CUBN: variants seen among roughly 807,000 people sequenced by gnomAD.
The protein encoded by CUBN is cubilin.
CUBN carries 282 observed loss-of-function variants against 405.3 expected under a neutral mutation model. The ratio of observed to expected loss-of-function variants is 0.70; its 90% CI spans 0.63 to 0.77. CUBN has a LOEUF of 0.77. Ranked by LOEUF, CUBN falls within the 30% of genes least tolerant of loss-of-function variation. CUBN has a pLI of 0.00. For missense variants in CUBN, 4,514 were observed against 4,475.2 expected (o/e 1.01, Z -0.25); for synonymous variants, 1,684 against 1,617.0 (o/e 1.04, Z -0.99).
Position 17,045,994 on chromosome 10 carries a change from T to G in CUBN, c.3430A>C (p.Lys1144Gln), listed in dbSNP as rs1290156610. The change falls in exon 24 of 67, where the codon AAG (lysine) becomes CAG (glutamine). Residue 1144 changes from lysine to glutamine, a missense_variant. By Grantham distance (53) the Lys-to-Gln change is moderately conservative. Transcript: ENST00000377833. ...GACCTTGTGTCTATTTGGTCACTCT[T>G]AAATTTTAACCATAGTTTGTTACTA... is the stretch of plus-strand genomic sequence containing the variant. ...SHSNKLWLKF[K>Q]SDQIDTRSGF... 6.2e-7 allele frequency: 1 copy of G among 1,614,044 alleles called. No individual in the cohort carries two copies. Among genetic ancestry groups the G allele is most frequent in the Admixed American group, 1.7e-5 (1 of 60,016 alleles).
intron 31 of CUBN, among the ~76,000 whole-genome samples, chr10:16,963,191 T>C (rs977258037): frequency 6.6e-5 from 4 of 60,476 alleles, no homozygotes; most frequent in South Asian, 6.3e-4. Context: ...TCTTTTCTTT[T>C]TTTTCTTTTT....
Position 16,954,406 on chromosome 10 carries a change from C to T in CUBN, c.4838G>A (p.Arg1613Gln), listed in dbSNP as rs147343635. The T allele has an allele frequency of 8.1e-6, 13 of 1,614,104 alleles. No homozygotes were observed. Among genetic ancestry groups the T allele is most frequent in the African/African-American group, 6.7e-5 (5 of 75,012 alleles). Residue 1613 changes from arginine (R) to glutamine (Q), a missense_variant, in exon 32 of 67, where the codon CGA becomes CAA. Physicochemically the swap from Arg to Gln is conservative, Grantham distance 43. Transcript: ENST00000377833. ...SGPSRQNRGF[R>Q]AQFRQACGGH... Reference sequence around the variant, plus strand: ...GTACTTGCCTTGCCTGAATTGAGCTCGGAAGCCTCTGTTCTGTCTGGAAGG... The same window carrying T: ...GTACTTGCCTTGCCTGAATTGAGCTTGGAAGCCTCTGTTCTGTCTGGAAGG...
chr10:17,018,128 G>A (rs956324909), intron 28 of CUBN, among the ~76,000 whole-genome samples: 1 of 152,166 alleles, frequency 6.6e-6, no homozygotes, highest in Middle Eastern at 3.2e-3. Context: ...CCGTTTCCCA[G>A]AAAGCCTGAC....
intron 7 of CUBN, among the ~76,000 whole-genome samples, chr10:17,114,953 T>C (rs943651762): frequency 3.9e-5 from 6 of 152,120 alleles, no homozygotes; most frequent in Admixed American, 6.5e-5. Context: ...ATAAAAATGG[T>C]CCCATTTCGG....
At chr10:17,051,575 T>C (rs1474929307) in intron 22 of CUBN, among the ~76,000 whole-genome samples, 5 of 151,992 alleles carry the variant, frequency 3.3e-5, no homozygotes, top group Non-Finnish European at 7.4e-5. Context: ...TAAACAGATA[T>C]GAAATTTTGG....
chr10:16,954,496 C>G lies in CUBN; in HGVS notation c.4748G>C (p.Arg1583Thr). 6.2e-7 allele frequency: 1 copy of G among 1,614,070 alleles called. No individual in the cohort carries two copies. Among genetic ancestry groups the G allele is most frequent in the Non-Finnish European group, 8.5e-7 (1 of 1,180,034 alleles). ...GACGATGGGGTTAGCCAGCTGCTCC[C>G]TTCCACACGTCCTGGCAAGGCGGGA... ...TMSRLARTCG[R>T]EQLANPIVSS... Residue 1583 changes from arginine to threonine, a missense_variant, in exon 32 of 67, where the codon AGG (arginine) becomes ACG (threonine). Physicochemically the swap from Arg to Thr is moderately conservative, Grantham distance 71 (BLOSUM62 -1). Transcript: ENST00000377833.
rs182966752 is a variant in CUBN, at chr10:17,103,024, T to G, written c.1530+101A>C. The G allele has an allele frequency of 6.3e-5, 50 of 787,828 alleles. No homozygotes were observed. In the East Asian group the frequency reaches 1.2e-3, roughly 19 times the overall value. The allele number at this position is 787,828 out of a possible 1,614,324, so 48.8% of individuals were successfully genotyped here. On this transcript the variant is annotated intron_variant, in intron 13 of 66. Coordinates refer to ENST00000377833, the MANE Select transcript of CUBN (RefSeq NM_001081.4). Reference sequence around the variant, plus strand: ...TAGTAAGCACTCAATATATGATAGTTGAATTATCATTGCATGTATTTTATG... The same window carrying G: ...TAGTAAGCACTCAATATATGATAGTGGAATTATCATTGCATGTATTTTATG...
chr10:17,011,850 G>C (rs1834196035), intron 28 of CUBN, among the ~76,000 whole-genome samples: 2 of 152,042 alleles, frequency 1.3e-5, no homozygotes, highest in South Asian at 4.1e-4. Context: ...GCGCTGATTG[G>C]TGCATTTACA....
chr10:17,032,402 A>G (rs371443015), intron 27 of CUBN, among the ~76,000 whole-genome samples: 1 of 152,162 alleles, frequency 6.6e-6, no homozygotes, highest in Non-Finnish European at 1.5e-5. Context: ...CAGAGCCCAC[A>G]CTGTATTCGT....
At chr10:16,933,310 G>T in intron 39 of CUBN, 26 bp from the exon 40 acceptor site, 1 of 1,606,298 alleles carries the variant, frequency 6.2e-7, no homozygotes, top group Non-Finnish European at 8.5e-7. Flanking sequence ...CAACATCTTT[G>T]ACACAGCCCT....
intron 31 of CUBN, among the ~76,000 whole-genome samples, chr10:16,962,111 C>G (rs1843243055): frequency 6.6e-6 from 1 of 152,116 alleles, no homozygotes; most frequent in Non-Finnish European, 1.5e-5. Context: ...CAAGTTGCCC[C>G]CTTCTCTTTG....
At chr10:16,896,682 C>G (rs1402861372) in intron 54 of CUBN, among the ~76,000 whole-genome samples, 1 of 152,182 alleles carries the variant, frequency 6.6e-6, no homozygotes, top group Non-Finnish European at 1.5e-5. Context: ...CACTCAGCTT[C>G]TTGAACCTAT....
Position 16,988,849 on chromosome 10 carries a change from C to T in CUBN, c.4350+1485G>A, listed in dbSNP as rs1393981928. Among the ~76,000 whole-genome samples the T allele has an allele frequency of 2.0e-5, 3 of 152,122 alleles. No homozygotes were observed. In the East Asian group the frequency reaches 5.8e-4, roughly 29 times the overall value. ...CCTTCCATGTGGTCATGGAAAAGCC[C>T]ATTAATCTTTTTGAGCGTTAGTTTT... On this transcript the variant is annotated intron_variant, in intron 29 of 66. Coordinates refer to ENST00000377833, the MANE Select transcript of CUBN (RefSeq NM_001081.4).
At chr10:16,876,852 T>A in intron 57 of CUBN, 45 bp downstream of exon 57, 1 of 1,529,832 alleles carries the variant, frequency 6.5e-7, no homozygotes, top group Non-Finnish European at 9.1e-7. Flanking sequence ...TATACATTAC[T>A]CAGAAAAGAA....
chr10:16,969,069 T>C (rs1334966440), intron 31 of CUBN, among the ~76,000 whole-genome samples: 5 of 152,236 alleles, frequency 3.3e-5, no homozygotes, highest in Non-Finnish European at 7.3e-5. Flanking sequence ...CATGCAATTC[T>C]AGAAAACGCA....
intron 66 of CUBN, among the ~76,000 whole-genome samples, chr10:16,827,643 C>T (rs148453168): frequency 0.016 from 2,453 of 152,290 alleles, 64 homozygotes; most frequent in African/African-American, 0.055. Context: ...GCTCTGTCGC[C>T]CAGGCTGGAG....
intron 16 of CUBN, 45 bp from the exon 17 acceptor site, chr10:17,084,506 T>A: frequency 6.4e-7 from 1 of 1,561,272 alleles, no homozygotes. Flanking sequence ...ATGGCATTGC[T>A]CTGGCTTGCA....
intron 29 of CUBN, 135 bp from the exon 30 acceptor site, chr10:16,984,414 G>C: frequency 1.2e-6 from 1 of 864,204 alleles, no homozygotes; most frequent in Middle Eastern, 3.4e-4. Flanking sequence ...TCCCTGGGTG[G>C]GGATGCACTA....
chr10:16,903,662 TTTA>T lies in CUBN; in HGVS notation c.8062+301_8062+303del, dbSNP rs996884193. Among the ~76,000 whole-genome samples, 270 of 147,650 alleles carry T rather than the reference TTTA, an allele frequency of 1.8e-3. 1 individual carries two copies. Among genetic ancestry groups the T allele is most frequent in the African/African-American group, 5.8e-3 (236 of 40,872 alleles). The stretch of plus-strand genomic sequence containing the variant: ...AAATAATAATTATTATTAATAATTA[TTTA>T]TTATTATTAATTATTAAATAATTAT... On this transcript the variant is annotated intron_variant, in intron 51 of 66. Transcript: ENST00000377833.
Sources: gnomAD v4.1 joint callset for allele counts (sites outside exome capture counted in the v4.1 genomes callset) on GRCh38, gnomAD v4.1.1 for gene constraint, MANE v1.5 for transcripts, NCBI Gene and HGNC (gene_info 2026-07-23, HGNC 2026-07-21) for gene names.